Variants in SREBF1 observed in about 807,000 individuals in gnomAD.
The protein encoded by SREBF1 is sterol regulatory element binding transcription factor 1.
Under a neutral mutation model 100.1 loss-of-function variants are expected in SREBF1, and 45 were observed. That is an observed-to-expected ratio of 0.45 (90% CI 0.35 to 0.58). The LOEUF is 0.58. Among genes scored for constraint, SREBF1 ranks in the 20% least tolerant of loss-of-function variants. The probability of loss-of-function intolerance (pLI) is 0.00; values close to 1 mark genes in which losing one functional copy is unlikely to be tolerated. For synonymous variants in SREBF1, 657 were observed against 681.8 expected, an observed-to-expected ratio of 0.96 and a Z score of 0.57; for missense variants, 1,324 against 1,539.4, an observed-to-expected ratio of 0.86 and a Z score of 2.34.
chr17:17,816,794 G>A, intron 9 of SREBF1, 76 bp from the exon 10 acceptor site: 2 of 1,571,514 alleles, frequency 1.3e-6, no homozygotes, highest in South Asian at 2.3e-5. Context: ...GCCGTCCACA[G>A]CAGGCTCTGG....
chr17:17,823,228 G>A (rs1157359802), intron 1 of SREBF1, among the ~76,000 whole-genome samples: 1 of 152,188 alleles, frequency 6.6e-6, no homozygotes, highest in Non-Finnish European at 1.5e-5. Context: ...GTCCCAAAGC[G>A]GGTGCAGAGA....
chr17:17,819,920 C>A, intron 2 of SREBF1, 170 bp downstream of exon 2: 1 of 1,154,048 alleles, frequency 8.7e-7, no homozygotes, highest in Non-Finnish European at 1.2e-6. Context: ...TGCGCCTACC[C>A]CGGCAACAAG....
intron 1 of SREBF1, chr17:17,823,501 G>T: frequency 6.3e-7 from 1 of 1,585,538 alleles, no homozygotes; most frequent in Non-Finnish European, 8.7e-7. Context: ...GGCTGGTGGG[G>T]AGGCCTCCAA....
At position 17,811,548 on chromosome 17, in the gene SREBF1, C is replaced by T. The variant is rs1261573930; in HGVS notation, c.*1074G>A. ...TGAAGGGAGGGGCTGGGGGGGGGGG[C>T]ATGAATGGAGTCAGGGAGTCGGCCT... On this transcript the variant is annotated 3_prime_UTR_variant, in exon 19 of 19. Coordinates refer to ENST00000261646, the MANE Select transcript of SREBF1 (RefSeq NM_004176.5). 8 of 294,716 alleles carry T rather than the reference C, an allele frequency of 2.7e-5. 1 individual carries two copies. The Admixed American group carries it at 4.0e-4, about 15-fold the overall frequency. 18.3% of individuals were successfully genotyped at this position (294,716 alleles called of 1,614,324 possible). A position where few individuals can be genotyped will look rare whatever the true frequency, so the allele number is the denominator to read the frequency against.
At chr17:17,833,450 AATAT>A (rs1555573429) in intron 1 of SREBF1, among the ~76,000 whole-genome samples, 819 of 47,442 alleles carry the variant, frequency 0.017, 38 homozygotes, top group African/African-American at 0.071. Context: ...AAAAAAAAAA[AATAT>A]ATATATATAT....
Position 17,816,039 on chromosome 17 carries a change from G to A in SREBF1, c.2215-11C>T. ...GCTCAGGAAGAAGCGCTGTAGGGGA[G>A]GGTACTGGGCTGTCACAGTGGACAC... On this transcript the variant is annotated splice_polypyrimidine_tract_variant and intron_variant, in intron 11 of 18. Transcript: ENST00000261646. 1.2e-6 allele frequency: 2 copies of A among 1,611,052 alleles called. No homozygotes were observed. Among genetic ancestry groups the A allele is most frequent in the Non-Finnish European group, 1.7e-6 (2 of 1,179,134 alleles).
At chr17:17,831,602 G>A (rs2034867068) in intron 1 of SREBF1, among the ~76,000 whole-genome samples, 1 of 152,192 alleles carries the variant, frequency 6.6e-6, no homozygotes, top group African/African-American at 2.4e-5. Flanking sequence ...GCACTCATAA[G>A]CTTGTGCAAA....
At position 17,811,543 on chromosome 17, in the gene SREBF1, G is replaced by T. The variant is rs918924589; in HGVS notation, c.*1079C>A. 4.2e-5 allele frequency: 13 copies of T among 312,500 alleles called. No individual in the cohort carries two copies. Among genetic ancestry groups the T allele is most frequent in the Admixed American group, 2.6e-4 (5 of 18,910 alleles). 19.4% of individuals were successfully genotyped at this position (312,500 alleles called of 1,614,324 possible). ...GGGAATGAAGGGAGGGGCTGGGGGGGGGGGCATGAATGGAGTCAGGGAGTC... is the reference window on the plus strand; with the variant it reads ...GGGAATGAAGGGAGGGGCTGGGGGGTGGGGCATGAATGGAGTCAGGGAGTC... On this transcript the variant is annotated 3_prime_UTR_variant, in exon 19 of 19. Transcript: ENST00000261646.
At chr17:17,829,206 ATATATATAT>A (rs751418390) in intron 1 of SREBF1, among the ~76,000 whole-genome samples, 2,813 of 92,828 alleles carry the variant, frequency 0.03, 167 homozygotes, top group Middle Eastern at 0.039. Flanking sequence ...AAAAAAAAAA[ATATATATAT>A]ATATATATAT....
At chr17:17,832,902 C>T (rs1396834196) in intron 1 of SREBF1, among the ~76,000 whole-genome samples, 1 of 149,694 alleles carries the variant, frequency 6.7e-6, no homozygotes, top group East Asian at 2.0e-4. Context: ...GCCTGGGTGA[C>T]AGAGCAAGAC....
chr17:17,835,706 A>G (rs1430885712), intron 1 of SREBF1, among the ~76,000 whole-genome samples: 1 of 152,260 alleles, frequency 6.6e-6, no homozygotes, highest in Non-Finnish European at 1.5e-5. Context: ...TATCTACAAA[A>G]TGGAAGCAAC....
intron 2 of SREBF1, 30 bp downstream of exon 2, chr17:17,820,060 G>A: frequency 1.3e-6 from 2 of 1,592,936 alleles, no homozygotes; most frequent in Non-Finnish European, 8.6e-7. Context: ...CCCACCCCGG[G>A]TGTCCCCTCC....
intron 1 of SREBF1, among the ~76,000 whole-genome samples, chr17:17,830,497 T>C (rs957256784): frequency 6.6e-6 from 1 of 152,260 alleles, no homozygotes; most frequent in Non-Finnish European, 1.5e-5. Flanking sequence ...TCCAAGGTCA[T>C]ACAGTAGGGC....
chr17:17,828,355 T>A (rs774694546), intron 1 of SREBF1, among the ~76,000 whole-genome samples: 2 of 152,228 alleles, frequency 1.3e-5, no homozygotes, highest in Non-Finnish European at 2.9e-5. Context: ...CCCAACATAC[T>A]GACCGTCTGA....
At chr17:17,813,502 CTCAGGGCTCTCCA>C in intron 17 of SREBF1, 23 bp from the exon 18 acceptor site, 3 of 1,589,070 alleles carry the variant, frequency 1.9e-6, no homozygotes. Flanking sequence ...AGAGTGGAGG[CTCAGGGCTCTCCA>C]TCTCCACCAC....
chr17:17,832,790 C>G (rs750978517), intron 1 of SREBF1, among the ~76,000 whole-genome samples: 8 of 151,924 alleles, frequency 5.3e-5, no homozygotes, highest in Admixed American at 6.6e-5. Context: ...CATGGTGGCA[C>G]GCACCTATAG....
At position 17,821,551 on chromosome 17, in the gene SREBF1, A is replaced by G. The variant is rs571603576; in HGVS notation, c.92-1030T>C. ...CCCAGCAGGATCCTCTGGGCACTGAATTTGACAAAGCAACTTAGAAACTGC... is the reference window on the plus strand; with the variant it reads ...CCCAGCAGGATCCTCTGGGCACTGAGTTTGACAAAGCAACTTAGAAACTGC... On this transcript the variant is annotated intron_variant, in intron 1 of 18. Coordinates refer to ENST00000261646, the MANE Select transcript of SREBF1 (RefSeq NM_004176.5). 2.0e-5 allele frequency among the ~76,000 whole-genome samples: 3 copies of G among 152,252 alleles called. No individual in the cohort carries two copies. The South Asian group carries it at 6.2e-4, about 32-fold the overall frequency.
rs752310522 is a variant in SREBF1 at position 17,820,389 on chromosome 17, G to A, written c.224C>T (p.Pro75Leu). The A allele has an allele frequency of 3.1e-6, 5 of 1,612,604 alleles. No homozygotes were observed. The highest frequency in any genetic ancestry group is 2.7e-5 in the African/African-American group (2 of 74,896). Residue 75 changes from proline to leucine, a missense_variant, in exon 2 of 19, where the codon CCT (proline) becomes CTT (leucine). Coordinates refer to ENST00000261646, the MANE Select transcript of SREBF1 (RefSeq NM_004176.5). ...DTSSPGSLSP[P>L]PATLSSSLEA... Reference sequence around the variant, plus strand: ...AAGAGAGGAGCTCAATGTGGCAGGAGGTGGAGACAAGCTGCCTGGGGAGCT... The same window carrying A: ...AAGAGAGGAGCTCAATGTGGCAGGAAGTGGAGACAAGCTGCCTGGGGAGCT...
intron 1 of SREBF1, among the ~76,000 whole-genome samples, chr17:17,833,573 C>T (rs1271890597): frequency 1.3e-5 from 2 of 149,820 alleles, no homozygotes; most frequent in Non-Finnish European, 2.9e-5. Context: ...TAAAAATGTT[C>T]GACAGCTAGT....
Sources: allele counts gnomAD v4.1 joint callset (sites outside exome capture counted in the v4.1 genomes callset), GRCh38; gene constraint gnomAD v4.1.1; transcripts MANE v1.5; gene names NCBI Gene and HGNC (gene_info 2026-07-23, HGNC 2026-07-21).